Variants in COL3A1 observed in about 807,000 individuals in gnomAD.
The protein encoded by COL3A1 is collagen type III alpha 1 chain, also known as collagen alpha-1(III) chain.
In COL3A1, 46 loss-of-function variants were observed where a neutral mutation model predicts 200.9. The observed-to-expected ratio is 0.23, with a 90% CI of 0.18 to 0.29. COL3A1 has a LOEUF of 0.29. Among genes scored for constraint, COL3A1 ranks in the 10% least tolerant of loss-of-function variants. The probability of loss-of-function intolerance (pLI) is 1.00; values close to 1 mark genes in which losing one functional copy is unlikely to be tolerated. For synonymous variants in COL3A1, 650 were observed against 628.0 expected (o/e 1.03, Z -0.52); for missense variants, 1,367 against 1,917.6 (o/e 0.71, Z 5.36).
chr2:188,993,617 G>A (rs141000546), intron 16 of COL3A1, among the ~76,000 whole-genome samples, 158 bp downstream of exon 16: 18 of 152,272 alleles, frequency 1.2e-4, no homozygotes, highest in African/African-American at 4.3e-4. Flanking sequence ...TGATCCTCCT[G>A]TGACACATAC....
chr2:188,978,756 CAAAA>C (rs55694521), intron 1 of COL3A1, among the ~76,000 whole-genome samples: 18 of 87,774 alleles, frequency 2.1e-4, no homozygotes, highest in Admixed American at 4.6e-4. Context: ...TTTCCACACT[CAAAA>C]AAAAAAAAAA....
Position 189,003,822 on chromosome 2 carries a change from C to T in COL3A1, c.2661+35C>T, listed in dbSNP as rs749445057. ...TGTTAAAGTCTTTTCTCATCATACA[C>T]TTCAGAAAGAGCATTCATGTATGTA... On this transcript the variant is annotated intron_variant, in intron 38 of 50. Coordinates refer to ENST00000304636, the MANE Select transcript of COL3A1 (RefSeq NM_000090.4). 1.9e-6 allele frequency: 3 copies of T among 1,608,196 alleles called. No homozygotes were observed. The South Asian group carries it at 3.3e-5, about 18-fold the overall frequency.
rs144781624 is a variant in COL3A1, at chr2:188,979,237, A to G, written c.79+4669A>G. ...TATAGTATTTTGTGTGGAGGATGACAGAGACTGCATTTCTCAAGTAAATTA... is the reference window on the plus strand; with the variant it reads ...TATAGTATTTTGTGTGGAGGATGACGGAGACTGCATTTCTCAAGTAAATTA... On this transcript the variant is annotated intron_variant, in intron 1 of 50. Coordinates refer to ENST00000304636, the MANE Select transcript of COL3A1 (RefSeq NM_000090.4). 6.6e-5 allele frequency among the ~76,000 whole-genome samples: 10 copies of G among 152,078 alleles called. No homozygotes were observed. The East Asian group carries it at 1.9e-3, about 29-fold the overall frequency.
intron 11 of COL3A1, 94 bp downstream of exon 11, chr2:188,991,151 T>C: frequency 7.3e-7 from 1 of 1,361,774 alleles, no homozygotes; most frequent in Non-Finnish European, 1.0e-6. Context: ...ACTTGTTTTC[T>C]GAAATTTACC....
chr2:189,001,262 A>C, intron 32 of COL3A1, 135 bp from the exon 33 acceptor site: 2 of 773,072 alleles, frequency 2.6e-6, no homozygotes, highest in Non-Finnish European at 4.3e-6. Flanking sequence ...AAAGCATAGC[A>C]TTCAAGCCAT....
In COL3A1 at chr2:189,006,847, A is replaced by G. The variant is rs10168216; in HGVS notation, c.3202-90A>G. ...TGCATGCATACTATAATTCTATTAT[A>G]ATGAAATTATTTACTTTTGAAAACG... On this transcript the variant is annotated intron_variant, in intron 43 of 50. Transcript: ENST00000304636. 0.038 allele frequency: 48,106 copies of G among 1,278,598 alleles called. 2,484 individuals are homozygous for G. Among genetic ancestry groups the G allele is most frequent in the African/African-American group, 0.24 (16,392 of 68,274 alleles). The allele number at this position is 1,278,598 out of a possible 1,614,324, so 79.2% of individuals were successfully genotyped here.
At chr2:188,975,619 A>G (rs959633030) in intron 1 of COL3A1, among the ~76,000 whole-genome samples, 4 of 152,198 alleles carry the variant, frequency 2.6e-5, no homozygotes, top group Admixed American at 6.5e-5. Context: ...ACTGCATGAA[A>G]ATTTGGTTTT....
In COL3A1 at chr2:189,003,748, C is replaced by T. The variant is rs915897585; in HGVS notation, c.2622C>T (p.Phe874=). The change falls in exon 38 of 51, where the codon TTC becomes TTT. Residue 874 remains phenylalanine, a synonymous_variant. Transcript: ENST00000304636. Reference sequence around the variant, plus strand: ...CCATTTCACAGGGTGCTGCTGGCTTCCCTGGTGCTCGTGGTCTTCCTGGTC... The same window carrying T: ...CCATTTCACAGGGTGCTGCTGGCTTTCCTGGTGCTCGTGGTCTTCCTGGTC... The part of the protein sequence containing the change: ...GSPGGPGAAG[F]PGARGLPGPP... 6.2e-7 allele frequency: 1 copy of T among 1,613,770 alleles called. No individual in the cohort carries two copies. The highest frequency in any genetic ancestry group is 1.3e-5 in the African/African-American group (1 of 74,826).
intron 37 of COL3A1, 93 bp downstream of exon 37, chr2:189,003,557 A>T (rs1688518569): frequency 1.4e-6 from 2 of 1,406,018 alleles, no homozygotes; most frequent in Non-Finnish European, 2.0e-6. Context: ...CCATAAAGAG[A>T]ATGTAAAAAT....
intron 25 of COL3A1, 57 bp downstream of exon 25, chr2:188,997,275 C>T: frequency 6.2e-7 from 1 of 1,612,454 alleles, no homozygotes; most frequent in Admixed American, 1.7e-5. Flanking sequence ...TCATCTCCAA[C>T]CTTCTGACTT....
In COL3A1 at chr2:189,001,568, A is replaced by T. The variant is rs1378004036; in HGVS notation, c.2370A>T (p.Ile790=). ...GTGGTGCCCCCGGACTTCCAGGTAT[A>T]GCTGGACCTCGTGGTAGCCCTGTAA... is the stretch of plus-strand genomic sequence containing the variant. ...GEGGAPGLPG[I]AGPRGSPGER... Residue 790 remains isoleucine, a synonymous_variant, in exon 34 of 51, where the codon ATA becomes ATT. Coordinates refer to ENST00000304636, the MANE Select transcript of COL3A1 (RefSeq NM_000090.4). The T allele has an allele frequency of 3.1e-6, 5 of 1,614,092 alleles. No homozygotes were observed. Among genetic ancestry groups the T allele is most frequent in the Non-Finnish European group, 4.2e-6 (5 of 1,180,006 alleles).
chr2:188,977,875 G>C (rs1385661728), intron 1 of COL3A1, among the ~76,000 whole-genome samples: 1 of 151,998 alleles, frequency 6.6e-6, no homozygotes, highest in Non-Finnish European at 1.5e-5. Flanking sequence ...ATTTTATAGA[G>C]AGTAGTACGT....
In COL3A1 at chr2:188,999,318, C is replaced by G. The variant is rs41263775; in HGVS notation, c.2056C>G (p.Pro686Ala). Residue 686 changes from proline (P) to alanine (A), a missense_variant, in exon 30 of 51, where the codon CCT (proline) becomes GCT (alanine). Transcript: ENST00000304636. ...TGGTGCCCCTGGTGAACGTGGACCTCCTGGATTGGCAGGGGCCCCAGGACT... is the reference window on the plus strand; with the variant it reads ...TGGTGCCCCTGGTGAACGTGGACCTGCTGGATTGGCAGGGGCCCCAGGACT... ...DAGAPGERGP[P>A]GLAGAPGLRG... The G allele has an allele frequency of 2.5e-4, 390 of 1,589,350 alleles. No individual in the cohort carries two copies. The African/African-American group carries it at 4.9e-3, about 20-fold the overall frequency.
Position 188,990,296 on chromosome 2 carries a change from A to G in COL3A1, c.745-11A>G, listed in dbSNP as rs1353652343. Reference sequence around the variant, plus strand: ...AAGGTTCATTAATATTTTTTCATTCATTATTTTTAGGGTATCAAAGGTCCA... The same window carrying G: ...AAGGTTCATTAATATTTTTTCATTCGTTATTTTTAGGGTATCAAAGGTCCA... On this transcript the variant is annotated splice_polypyrimidine_tract_variant and intron_variant, in intron 9 of 50. Coordinates refer to ENST00000304636, the MANE Select transcript of COL3A1 (RefSeq NM_000090.4). 3 of 1,611,372 alleles carry G rather than the reference A, an allele frequency of 1.9e-6. No individual in the cohort carries two copies. Among genetic ancestry groups the G allele is most frequent in the African/African-American group, 2.7e-5 (2 of 74,842 alleles).
In COL3A1 at chr2:188,991,774, T is replaced by C. The variant is rs763997162; in HGVS notation, c.951+52T>C. The C allele has an allele frequency of 1.9e-6, 3 of 1,583,856 alleles. No homozygotes were observed. In the South Asian group the frequency reaches 3.3e-5, roughly 18 times the overall value. ...ATTACAACCCAAAGTGACAGATTTT[T>C]ACAGCCTCAGTAAAGTTTCAGGCTG... On this transcript the variant is annotated intron_variant, in intron 13 of 50. Coordinates refer to ENST00000304636, the MANE Select transcript of COL3A1 (RefSeq NM_000090.4).
chr2:189,011,453 G>T (rs1307723498), intron 50 of COL3A1, among the ~76,000 whole-genome samples, 175 bp from the exon 51 acceptor site: 1 of 152,178 alleles, frequency 6.6e-6, no homozygotes, highest in Non-Finnish European at 1.5e-5. Flanking sequence ...TAAGAATATT[G>T]TTTATCAACT....
At chr2:189,008,665 G>A (rs920153796) in intron 47 of COL3A1, 1 of 551,360 alleles carries the variant, frequency 1.8e-6, no homozygotes, top group Non-Finnish European at 3.2e-6. Flanking sequence ...CATCCAGAAG[G>A]AAGAATGATA....
chr2:189,011,484 G>GTAGA, intron 50 of COL3A1, 144 bp from the exon 51 acceptor site: 1 of 850,788 alleles, frequency 1.2e-6, no homozygotes, highest in Non-Finnish European at 1.9e-6. Context: ...CAGCTTTGAA[G>GTAGA]TAGAGCAGGT....
chr2:189,001,248 G>C, intron 32 of COL3A1, 149 bp from the exon 33 acceptor site: 1 of 698,080 alleles, frequency 1.4e-6, no homozygotes, highest in Non-Finnish European at 2.4e-6. Flanking sequence ...TACACATTGA[G>C]AGAAAAGCAT....
Sources: allele counts gnomAD v4.1 joint callset (sites outside exome capture counted in the v4.1 genomes callset), GRCh38; gene constraint gnomAD v4.1.1; transcripts MANE v1.5; gene names NCBI Gene and HGNC (gene_info 2026-07-23, HGNC 2026-07-21).